Variants in CSMD1 observed in about 807,000 individuals in gnomAD.
CSMD1 encodes the protein CUB and Sushi multiple domains 1.
In CSMD1, 213 loss-of-function variants were observed where a neutral mutation model predicts 417.5. The ratio of observed to expected loss-of-function variants is 0.51; its 90% CI spans 0.46 to 0.57. The LOEUF (loss-of-function observed/expected upper bound fraction) is 0.57. CSMD1 is among the 20% of genes least tolerant of loss of function. The pLI is 0.00. For synonymous variants in CSMD1, 2,862 were observed against 1,736.8 expected (o/e 1.65, Z -16.11); for missense variants, 6,923 against 4,529.7 (o/e 1.53, Z -15.17).
chr8:4,911,401 G>A (rs1003053630), intron 1 of CSMD1, among the ~76,000 whole-genome samples: 1 of 152,152 alleles, frequency 6.6e-6, no homozygotes, highest in South Asian at 2.1e-4. Context: ...AGATTTGTTA[G>A]GTAATTCCCT....
Position 3,481,717 on chromosome 8 carries a change from C to T in CSMD1, c.1448+11906G>A, listed in dbSNP as rs547723200. On this transcript the variant is annotated intron_variant, in intron 11 of 69. Transcript: ENST00000635120. ...AGGCAGAGAAGATGGTCTCGTGACT[C>T]TGAATTCAGAGAGTGGGTTGATGTG... Among the ~76,000 whole-genome samples the T allele has an allele frequency of 3.1e-3, 474 of 152,258 alleles. 1 individual carries two copies. The highest frequency in any genetic ancestry group is 0.02 in the Middle Eastern group (6 of 294).
At chr8:4,339,751 C>G (rs1390487466) in intron 3 of CSMD1, among the ~76,000 whole-genome samples, 1 of 152,014 alleles carries the variant, frequency 6.6e-6, no homozygotes, top group Non-Finnish European at 1.5e-5. Context: ...AAGCTGAGTG[C>G]AGGGGCTTAC....
intron 2 of CSMD1, among the ~76,000 whole-genome samples, chr8:4,575,689 G>C (rs1799104287): frequency 6.6e-6 from 1 of 152,170 alleles, no homozygotes; most frequent in Non-Finnish European, 1.5e-5. Context: ...GCAACATTTT[G>C]AAGATTTAAA....
chr8:4,670,585 T>C (rs1369811520), intron 1 of CSMD1, among the ~76,000 whole-genome samples: 1 of 152,184 alleles, frequency 6.6e-6, no homozygotes, highest in South Asian at 2.1e-4. Flanking sequence ...AGCACATCTT[T>C]GCTATAGGCA....
chr8:4,095,874 T>A (rs1003302530), intron 3 of CSMD1, among the ~76,000 whole-genome samples: 1 of 152,226 alleles, frequency 6.6e-6, no homozygotes, highest in African/African-American at 2.4e-5. Context: ...AGCTAAACTA[T>A]CAATGTTAAG....
At chr8:3,670,534 C>G (rs1346576201) in intron 7 of CSMD1, among the ~76,000 whole-genome samples, 1 of 88,848 alleles carries the variant, frequency 1.1e-5, no homozygotes, top group East Asian at 4.6e-4. Flanking sequence ...TACATATATC[C>G]CATATACATA....
chr8:4,066,305 C>G lies in CSMD1; in HGVS notation c.416-34206G>C, dbSNP rs138757582. Among the ~76,000 whole-genome samples, 155 of 152,284 alleles carry G rather than the reference C, an allele frequency of 1.0e-3. 1 individual carries two copies. Among genetic ancestry groups the G allele is most frequent in the African/African-American group, 3.7e-3 (152 of 41,566 alleles). ...TCTGTACGACCTTAACCGTTTATGTCTGGCTCTTAAAGGTGTTCTGCTGCC... is the reference window on the plus strand; with the variant it reads ...TCTGTACGACCTTAACCGTTTATGTGTGGCTCTTAAAGGTGTTCTGCTGCC... On this transcript the variant is annotated intron_variant, in intron 3 of 69. Coordinates refer to ENST00000635120, the MANE Select transcript of CSMD1 (RefSeq NM_033225.6).
intron 12 of CSMD1, among the ~76,000 whole-genome samples, chr8:3,423,547 G>T (rs968740655): frequency 1.3e-5 from 2 of 152,048 alleles, no homozygotes; most frequent in Admixed American, 1.3e-4. Flanking sequence ...CCACTGTGTG[G>T]CTTTGGCACC....
intron 41 of CSMD1, among the ~76,000 whole-genome samples, chr8:3,135,162 C>G (rs534385014): frequency 2.6e-5 from 4 of 152,124 alleles, no homozygotes; most frequent in Non-Finnish European, 5.9e-5. Context: ...GCAATCTTCC[C>G]GCCTTGGCTT....
At chr8:3,666,388 G>C (rs1186830310) in intron 7 of CSMD1, among the ~76,000 whole-genome samples, 1 of 152,100 alleles carries the variant, frequency 6.6e-6, no homozygotes, top group African/African-American at 2.4e-5. Flanking sequence ...TCAAGTAATT[G>C]ATTAAAAATT....
chr8:4,842,957 A>T (rs559940338), intron 1 of CSMD1, among the ~76,000 whole-genome samples: 2 of 152,326 alleles, frequency 1.3e-5, no homozygotes, highest in South Asian at 2.1e-4. Flanking sequence ...AAATCAGCAG[A>T]TTCTCATTTC....
At position 4,853,215 on chromosome 8, in the gene CSMD1, G is replaced by A. The variant is rs546823150; in HGVS notation, c.85+141117C>T. Among the ~76,000 whole-genome samples the A allele has an allele frequency of 1.6e-3, 237 of 152,276 alleles. 1 individual carries two copies. The highest frequency in any genetic ancestry group is 5.4e-3 in the African/African-American group (226 of 41,556). ...CTGCTAGCCAAGACAATGGGATAAA[G>A]CCCTGGAATGCATTTCAGAGATCTA... is the stretch of plus-strand genomic sequence containing the variant. On this transcript the variant is annotated intron_variant, in intron 1 of 69. Coordinates refer to ENST00000635120, the MANE Select transcript of CSMD1 (RefSeq NM_033225.6).
At chr8:4,940,748 G>T (rs148619897) in intron 1 of CSMD1, among the ~76,000 whole-genome samples, 2,431 of 152,290 alleles carry the variant, frequency 0.016, 29 homozygotes, top group Non-Finnish European at 0.025. Context: ...TAGCAGCACA[G>T]GTGGTAATGC....
At chr8:4,839,172 A>G (rs1032036198) in intron 1 of CSMD1, among the ~76,000 whole-genome samples, 1 of 152,126 alleles carries the variant, frequency 6.6e-6, no homozygotes, top group Non-Finnish European at 1.5e-5. Context: ...CTTTCCCTTC[A>G]TCAGGTTCCA....
chr8:4,365,353 T>C (rs1020251177), intron 3 of CSMD1, among the ~76,000 whole-genome samples: 15 of 152,342 alleles, frequency 9.8e-5, no homozygotes, highest in African/African-American at 3.4e-4. Flanking sequence ...ATTATCAAAA[T>C]CATGCATCAT....
At chr8:4,172,078 G>A (rs1016665526) in intron 3 of CSMD1, among the ~76,000 whole-genome samples, 1 of 151,960 alleles carries the variant, frequency 6.6e-6, no homozygotes, top group Non-Finnish European at 1.5e-5. Flanking sequence ...TTTCTCAGGG[G>A]AAGGCGTATC....
chr8:3,947,418 G>T (rs1163302913), intron 5 of CSMD1, among the ~76,000 whole-genome samples: 1 of 152,060 alleles, frequency 6.6e-6, no homozygotes, highest in Non-Finnish European at 1.5e-5. Context: ...TAAATCACTG[G>T]ATCTTATTTC....
At chr8:3,684,931 C>G (rs904896187) in intron 7 of CSMD1, among the ~76,000 whole-genome samples, 1 of 152,034 alleles carries the variant, frequency 6.6e-6, no homozygotes, top group Non-Finnish European at 1.5e-5. Context: ...AGCACTTGGC[C>G]AAAGTGGACA....
intron 2 of CSMD1, among the ~76,000 whole-genome samples, chr8:4,457,261 G>T (rs1799544923): frequency 6.6e-6 from 1 of 152,050 alleles, no homozygotes; most frequent in Admixed American, 6.5e-5. Flanking sequence ...TTACCTGTTT[G>T]CCCATCTTAC....
Sources: allele counts gnomAD v4.1 joint callset (sites outside exome capture counted in the v4.1 genomes callset), GRCh38; gene constraint gnomAD v4.1.1; transcripts MANE v1.5; gene names NCBI Gene and HGNC (gene_info 2026-07-23, HGNC 2026-07-21).